Variants in KCNIP4 observed in about 807,000 individuals in gnomAD.
KCNIP4 encodes the protein Kv channel-interacting protein 4.
A neutral mutation model predicts 34.0 loss-of-function variants in KCNIP4; 12 were observed. That is an observed-to-expected ratio of 0.35 (90% confidence interval 0.23 to 0.57). The LOEUF (loss-of-function observed/expected upper bound fraction) is 0.57, where lower values mean the gene tolerates loss of function less well. KCNIP4 is among the 20% of genes least tolerant of loss of function. The probability of loss-of-function intolerance (pLI) is 0.83; values close to 1 mark genes in which losing one functional copy is unlikely to be tolerated. For synonymous variants in KCNIP4, 124 were observed against 102.2 expected (o/e 1.21, Z -1.29); for missense variants, 238 against 311.7 (o/e 0.76, Z 1.78).
At chr4:21,405,752 T>C (rs751458761) in intron 1 of KCNIP4, among the ~76,000 whole-genome samples, 3 of 152,226 alleles carry the variant, frequency 2.0e-5, no homozygotes, top group Non-Finnish European at 4.4e-5. Context: ...ATATAGTTTG[T>C]TGGGGCAGTC....
Position 21,885,239 on chromosome 4 carries a change from A to T in KCNIP4, c.61+63332T>A, listed in dbSNP as rs143879971. Reference sequence around the variant, plus strand: ...TGTAGCATTTATCTTATTTTATAAAAGTCTTCCATAATTTCATTCAATGTT... The same window carrying T: ...TGTAGCATTTATCTTATTTTATAAATGTCTTCCATAATTTCATTCAATGTT... On this transcript the variant is annotated intron_variant, in intron 1 of 8. Transcript: ENST00000382152. 8.7e-3 allele frequency among the ~76,000 whole-genome samples: 1,328 copies of T among 152,270 alleles called. 15 individuals carry two copies. Among genetic ancestry groups the T allele is most frequent in the South Asian group, 0.034 (164 of 4,828 alleles).
chr4:21,423,585 C>T (rs567657732), intron 1 of KCNIP4, among the ~76,000 whole-genome samples: 3 of 152,332 alleles, frequency 2.0e-5, no homozygotes, highest in Admixed American at 6.5e-5. Flanking sequence ...GTCCTCTTAA[C>T]TGTTAGCCAC....
rs567764935 is a variant in KCNIP4, at chr4:20,729,202, G to C, written c.*880C>G. On this transcript the variant is annotated 3_prime_UTR_variant, in exon 9 of 9. Coordinates refer to ENST00000382152, the MANE Select transcript of KCNIP4 (RefSeq NM_025221.6). ...ACAGATTTGGCCTTTAATGCTGTTA[G>C]GATTACTTGTTATTAAGCATTACTA... The C allele has an allele frequency of 2.0e-5, 3 of 151,852 alleles. No individual in the cohort carries two copies. Among genetic ancestry groups the C allele is most frequent in the Non-Finnish European group, 4.4e-5 (3 of 67,974 alleles). 9.4% of individuals were successfully genotyped at this position (151,852 alleles called of 1,614,324 possible).
chr4:21,645,170 T>G lies in KCNIP4; in HGVS notation c.61+303401A>C, dbSNP rs994172403. Among the ~76,000 whole-genome samples the G allele has an allele frequency of 8.5e-5, 13 of 152,250 alleles. No homozygotes were observed. In the East Asian group the frequency reaches 2.3e-3, roughly 27 times the overall value. On this transcript the variant is annotated intron_variant, in intron 1 of 8. Coordinates refer to ENST00000382152, the MANE Select transcript of KCNIP4 (RefSeq NM_025221.6). ...TTCATTCCAGTATAGCTGGAATGTG[T>G]TGCAAACATATTAATTCATTCAATC...
chr4:21,286,384 C>A (rs968217494), intron 1 of KCNIP4, among the ~76,000 whole-genome samples: 2 of 152,094 alleles, frequency 1.3e-5, no homozygotes, highest in Admixed American at 1.3e-4. Context: ...GTAGACAGCA[C>A]CTCTAACTGG....
intron 1 of KCNIP4, among the ~76,000 whole-genome samples, chr4:21,081,822 A>AT (rs1415711610): frequency 2.0e-5 from 3 of 151,920 alleles, no homozygotes; most frequent in Middle Eastern, 3.4e-3. Flanking sequence ...TAATTAAGAA[A>AT]TTTTTATATA....
chr4:21,087,774 C>G (rs900313622), intron 1 of KCNIP4, among the ~76,000 whole-genome samples: 2 of 152,126 alleles, frequency 1.3e-5, no homozygotes, highest in Non-Finnish European at 2.9e-5. Context: ...GCACTCAACA[C>G]CACTCAATCC....
In KCNIP4 at chr4:21,309,730, G is replaced by C. The variant is rs376727751; in HGVS notation, c.62-427021C>G. Reference sequence around the variant, plus strand: ...GGTTATACCAGGAAATATCCAGCTCGGGATTGAAACCCAAGTCTGACTCCA... The same window carrying C: ...GGTTATACCAGGAAATATCCAGCTCCGGATTGAAACCCAAGTCTGACTCCA... On this transcript the variant is annotated intron_variant, in intron 1 of 8. Transcript: ENST00000382152. 1.1e-4 allele frequency among the ~76,000 whole-genome samples: 16 copies of C among 152,258 alleles called. No homozygotes were observed. In the East Asian group the frequency reaches 2.9e-3, roughly 28 times the overall value.
chr4:20,880,412 T>C (rs533972942), intron 2 of KCNIP4, among the ~76,000 whole-genome samples: 2 of 152,338 alleles, frequency 1.3e-5, no homozygotes, highest in African/African-American at 4.8e-5. Flanking sequence ...GTAGGTTCAG[T>C]ATCAGCCAGT....
intron 1 of KCNIP4, among the ~76,000 whole-genome samples, chr4:21,637,868 T>C (rs1348445479): frequency 6.6e-6 from 1 of 151,912 alleles, no homozygotes; most frequent in Non-Finnish European, 1.5e-5. Flanking sequence ...CATAAGTGGC[T>C]GAACGGCAGT....
intron 1 of KCNIP4, among the ~76,000 whole-genome samples, chr4:21,911,604 T>TCACACA (rs149500330): frequency 8.2e-4 from 106 of 129,990 alleles, no homozygotes; most frequent in African/African-American, 2.9e-3. Context: ...GAATTGATAT[T>TCACACA]CACACACACA....
rs182684771 is a variant in KCNIP4 at position 20,916,428 on chromosome 4, A to G, written c.62-33719T>C. Reference sequence around the variant, plus strand: ...GTAGCTTTATGCACTAATAGAAAATATATGTGTGGTTTCTGTGTGCAATCT... The same window carrying G: ...GTAGCTTTATGCACTAATAGAAAATGTATGTGTGGTTTCTGTGTGCAATCT... On this transcript the variant is annotated intron_variant, in intron 1 of 8. Coordinates refer to ENST00000382152, the MANE Select transcript of KCNIP4 (RefSeq NM_025221.6). 11 of 776,366 alleles carry G rather than the reference A, an allele frequency of 1.4e-5. No homozygotes were observed. In the Admixed American group the frequency reaches 6.9e-4, roughly 48 times the overall value. 48.1% of individuals were successfully genotyped at this position (776,366 alleles called of 1,614,324 possible). A position where few individuals can be genotyped will look rare whatever the true frequency, so the allele number is the denominator to read the frequency against.
At chr4:21,230,551 T>C (rs1233273768) in intron 1 of KCNIP4, among the ~76,000 whole-genome samples, 14 of 152,082 alleles carry the variant, frequency 9.2e-5, no homozygotes, top group African/African-American at 3.1e-4. Flanking sequence ...GAGCATGTTG[T>C]TCCCCTCCTT....
chr4:20,970,720 C>G (rs181997774), intron 1 of KCNIP4, among the ~76,000 whole-genome samples: 14 of 152,276 alleles, frequency 9.2e-5, no homozygotes, highest in Non-Finnish European at 1.9e-4. Context: ...GAATCCCTGC[C>G]TAAAACAAAA....
At chr4:20,826,325 A>T (rs1257275685) in intron 3 of KCNIP4, among the ~76,000 whole-genome samples, 4 of 152,150 alleles carry the variant, frequency 2.6e-5, no homozygotes, top group Non-Finnish European at 1.5e-5. Context: ...CTGTAGTCCC[A>T]GCACTTTGGG....
chr4:21,052,373 T>C (rs1169276088), intron 1 of KCNIP4, among the ~76,000 whole-genome samples: 4 of 152,182 alleles, frequency 2.6e-5, no homozygotes, highest in Non-Finnish European at 4.4e-5. Context: ...TGATATTGTA[T>C]ATAAAATTGT....
chr4:20,922,746 T>G (rs1480087068), intron 1 of KCNIP4, among the ~76,000 whole-genome samples: 1 of 152,172 alleles, frequency 6.6e-6, no homozygotes, highest in Admixed American at 6.5e-5. Flanking sequence ...AAATATGGAA[T>G]AGCCAACCAA....
chr4:21,035,369 G>A (rs1045758709), intron 1 of KCNIP4, among the ~76,000 whole-genome samples: 18 of 152,158 alleles, frequency 1.2e-4, no homozygotes, highest in Non-Finnish European at 1.0e-4. Context: ...AGTGGTTGAA[G>A]TCACCATTGT....
At chr4:21,032,646 TG>T (rs1331097215) in intron 1 of KCNIP4, among the ~76,000 whole-genome samples, 2 of 152,140 alleles carry the variant, frequency 1.3e-5, no homozygotes, top group Non-Finnish European at 2.9e-5. Flanking sequence ...TTTTGTGAAC[TG>T]AGAATGCGTA....
Sources: allele counts gnomAD v4.1 joint callset (sites outside exome capture counted in the v4.1 genomes callset), GRCh38; gene constraint gnomAD v4.1.1; transcripts MANE v1.5; gene names NCBI Gene and HGNC (gene_info 2026-07-23, HGNC 2026-07-21).